Variants in BBS1 observed in about 807,000 individuals in gnomAD.
The protein encoded by BBS1 is BBSome complex member BBS1.
BBS1 carries 60 observed loss-of-function variants against 73.9 expected under a neutral mutation model. That is an observed-to-expected ratio of 0.81 (90% CI 0.66 to 1.01). The LOEUF (loss-of-function observed/expected upper bound fraction) is 1.01. Ranked by LOEUF, BBS1 falls within the 50% of genes least tolerant of loss-of-function variation. BBS1 has a pLI of 0.00. For synonymous variants in BBS1, 283 were observed against 317.4 expected, an observed-to-expected ratio of 0.89 and a Z score of 1.15; for missense variants, 718 against 770.3, an observed-to-expected ratio of 0.93 and a Z score of 0.80.
rs748727758 is a variant in BBS1, at chr11:66,514,499, C to T, written c.253C>T (p.Leu85=). 15 of 1,614,206 alleles carry T rather than the reference C, an allele frequency of 9.3e-6. No individual in the cohort carries two copies. Among genetic ancestry groups the T allele is most frequent in the Non-Finnish European group, 1.3e-5 (15 of 1,180,044 alleles). The change falls in exon 4 of 17, where the codon CTG becomes TTG. Residue 85 remains leucine (L), a synonymous_variant. Coordinates refer to ENST00000318312, the MANE Select transcript of BBS1 (RefSeq NM_024649.5). ...LVMTESPLPA[L]PAAAATFLME... ...GATGACCGAAAGCCCGCTACCTGCT[C>T]TGCCAGCTGCTGCTGCCACCTTCCT...
chr11:66,519,055 G>T (rs1856121868), intron 7 of BBS1, among the ~76,000 whole-genome samples: 1 of 152,190 alleles, frequency 6.6e-6, no homozygotes, highest in African/African-American at 2.4e-5. Flanking sequence ...GATCTGCTGA[G>T]CCTGGCCCAA....
rs1180861221 is a variant in BBS1, at chr11:66,521,275, C to G, written c.729C>G (p.Ser243Arg). The G allele has an allele frequency of 1.2e-6, 2 of 1,613,780 alleles. No individual in the cohort carries two copies. The highest frequency in any genetic ancestry group is 2.2e-5 in the East Asian group (1 of 44,900). Residue 243 changes from serine (S) to arginine (R), a missense_variant, in exon 9 of 17, where the codon AGC becomes AGG. Coordinates refer to ENST00000318312, the MANE Select transcript of BBS1 (RefSeq NM_024649.5). ...TTTGCGCTTCTTGTTTGCAGATGAGCCTTCCCAGCGTCCCCGTCTTCCTAG... is the reference window on the plus strand; with the variant it reads ...TTTGCGCTTCTTGTTTGCAGATGAGGCTTCCCAGCGTCCCCGTCTTCCTAG... ...PEAFTILAKM[S>R]LPSVPVFLEV...
rs148365327 is a variant in BBS1 at position 66,521,798 on chromosome 11, G to A, written c.830+422G>A. Among the ~76,000 whole-genome samples the A allele has an allele frequency of 2.7e-3, 412 of 151,826 alleles. 5 individuals are homozygous for A. The highest frequency in any genetic ancestry group is 9.2e-3 in the African/African-American group (379 of 41,406). On this transcript the variant is annotated intron_variant, in intron 9 of 16. Transcript: ENST00000318312. ...CGCATGCCTCTAGCCCCAGCTACTCGGGAGGCTAAGGTAGGAGAATCGCTT... is the reference window on the plus strand; with the variant it reads ...CGCATGCCTCTAGCCCCAGCTACTCAGGAGGCTAAGGTAGGAGAATCGCTT...
Position 66,514,644 on chromosome 11 carries a change from C to T in BBS1, c.398C>T (p.Pro133Leu), listed in dbSNP as rs199532377. 3.7e-5 allele frequency: 60 copies of T among 1,613,146 alleles called. No homozygotes were observed. Among genetic ancestry groups the T allele is most frequent in the Non-Finnish European group, 4.9e-5 (58 of 1,180,010 alleles). Residue 133 changes from proline (P) to leucine (L), a missense_variant, in exon 4 of 17, where the codon CCT becomes CTT. Physicochemically the swap from Pro to Leu is moderately conservative, Grantham distance 98 (BLOSUM62 -3). Coordinates refer to ENST00000318312, the MANE Select transcript of BBS1 (RefSeq NM_024649.5). The part of the protein sequence containing the change: ...KFSLPQLPPN[P>L]LEQDLWNQAK... ...AGCCTGCCCCAATTGCCTCCAAATC[C>T]TCTGGAACAAGACCTTTGGAACCAG...
intron 7 of BBS1, among the ~76,000 whole-genome samples, chr11:66,517,868 G>A (rs1010033284): frequency 6.6e-6 from 1 of 151,648 alleles, no homozygotes; most frequent in African/African-American, 2.4e-5. Flanking sequence ...GCCTCCCAAA[G>A]TGCTGGGATT....
intron 11 of BBS1, among the ~76,000 whole-genome samples, chr11:66,525,373 AAAC>A (rs1221440243): frequency 2.0e-5 from 3 of 151,460 alleles, no homozygotes; most frequent in Admixed American, 6.6e-5. Context: ...CAAAAAAACA[AAAC>A]AACAAAAATA....
Position 66,524,108 on chromosome 11 carries a change from C to T in BBS1, c.1110+226C>T. 5 of 589,818 alleles carry T rather than the reference C, an allele frequency of 8.5e-6. No individual in the cohort carries two copies. In the South Asian group the frequency reaches 9.2e-5, roughly 11 times the overall value. The allele number at this position is 589,818 out of a possible 1,614,324, so 36.5% of individuals were successfully genotyped here. ...CAGCCTAGCCAACATGGCATAACCC[C>T]CTTGCTACTAAAAATACAAAAATTA... On this transcript the variant is annotated intron_variant, in intron 11 of 16. Coordinates refer to ENST00000318312, the MANE Select transcript of BBS1 (RefSeq NM_024649.5).
rs1011737489 is a variant in BBS1 at position 66,532,105 on chromosome 11, G to A, written c.*68G>A. On this transcript the variant is annotated 3_prime_UTR_variant, in exon 17 of 17. Transcript: ENST00000318312. ...GAACTGGGCGGGTTTAGTGGCCCCA[G>A]GCCCACTCCTCATGCAGCAGTGTGC... The A allele has an allele frequency of 6.7e-7, 1 of 1,484,182 alleles. No individual in the cohort carries two copies. The highest frequency in any genetic ancestry group is 9.2e-7 in the Non-Finnish European group (1 of 1,091,780). The allele number at this position is 1,484,182 out of a possible 1,614,324, so 91.9% of individuals were successfully genotyped here. A position where few individuals can be genotyped will look rare whatever the true frequency, so the allele number is the denominator to read the frequency against.
Position 66,510,864 on chromosome 11 carries a change from G to C in BBS1, c.48-149G>C, listed in dbSNP as rs533671904. The C allele has an allele frequency of 1.0e-3, 1,385 of 1,364,178 alleles. 1 individual carries two copies. The highest frequency in any genetic ancestry group is 1.3e-3 in the South Asian group (109 of 85,790). 84.5% of individuals were successfully genotyped at this position (1,364,178 alleles called of 1,614,324 possible). A position where few individuals can be genotyped will look rare whatever the true frequency, so the allele number is the denominator to read the frequency against. On this transcript the variant is annotated intron_variant, in intron 1 of 16. Transcript: ENST00000318312. ...CCTAAGATGTGCATATGTGTGTCTGGAGGTCGCTCGGTGAGCCAGTGGCGG... is the reference window on the plus strand; with the variant it reads ...CCTAAGATGTGCATATGTGTGTCTGCAGGTCGCTCGGTGAGCCAGTGGCGG...
Position 66,514,388 on chromosome 11 carries a change from G to A in BBS1, c.160-18G>A, listed in dbSNP as rs1314746244. Reference sequence around the variant, plus strand: ...TCTTCAGACCCTGAGCCTAGAATGAGCCATCCTCTCCCTGCAGCTGGTGGT... The same window carrying A: ...TCTTCAGACCCTGAGCCTAGAATGAACCATCCTCTCCCTGCAGCTGGTGGT... On this transcript the variant is annotated intron_variant, in intron 3 of 16. Transcript: ENST00000318312. 7 of 1,613,842 alleles carry A rather than the reference G, an allele frequency of 4.3e-6. No individual in the cohort carries two copies. Among genetic ancestry groups the A allele is most frequent in the East Asian group, 2.2e-5 (1 of 44,880 alleles).
chr11:66,517,096 G>C (rs189803928), intron 7 of BBS1, among the ~76,000 whole-genome samples: 1 of 152,006 alleles, frequency 6.6e-6, no homozygotes, highest in East Asian at 1.9e-4. Flanking sequence ...CTACTCAGGA[G>C]GTTGAGGCAG....
rs753294240 is a variant in BBS1, at chr11:66,521,369, C to T, written c.823C>T (p.Leu275=). 1 of 1,613,924 alleles carries T rather than the reference C, an allele frequency of 6.2e-7. No individual in the cohort carries two copies. The highest frequency in any genetic ancestry group is 8.5e-7 in the Non-Finnish European group (1 of 1,179,820). The change falls in exon 9 of 17, where the codon CTG becomes TTG. Residue 275 remains leucine (L), a synonymous_variant. Transcript: ENST00000318312. ...AACRNGNIYI[L]RRDSKHPKYC... ...CTGCCGCAATGGAAACATCTATATTCTGAGAAGGTAGCCACATCCGTGGTC... is the reference window on the plus strand; with the variant it reads ...CTGCCGCAATGGAAACATCTATATTTTGAGAAGGTAGCCACATCCGTGGTC...
intron 13 of BBS1, chr11:66,529,473 G>A: frequency 4.0e-6 from 3 of 750,402 alleles, no homozygotes; most frequent in Non-Finnish European, 4.7e-6. Flanking sequence ...CAGAGCTGTG[G>A]CAGGACATGG....
intron 10 of BBS1, 54 bp from the exon 11 acceptor site, chr11:66,523,669 GT>G: frequency 6.2e-7 from 1 of 1,610,116 alleles, no homozygotes; most frequent in South Asian, 1.1e-5. Context: ...CCCAGAAACC[GT>G]TCTTTCCACT....
chr11:66,526,265 G>T, intron 12 of BBS1, 73 bp downstream of exon 12: 1 of 1,464,438 alleles, frequency 6.8e-7, no homozygotes, highest in South Asian at 1.1e-5. Flanking sequence ...GGGGAAAGAG[G>T]AGGAGGTGGA....
chr11:66,531,605 C>T, intron 15 of BBS1, 51 bp from the exon 16 acceptor site: 1 of 1,613,058 alleles, frequency 6.2e-7, no homozygotes, highest in Non-Finnish European at 8.5e-7. Flanking sequence ...TGGAATATGC[C>T]AAACACTGGC....
chr11:66,525,908 C>A (rs945283040), intron 11 of BBS1, among the ~76,000 whole-genome samples: 9 of 152,048 alleles, frequency 5.9e-5, no homozygotes, highest in African/African-American at 2.2e-4. Flanking sequence ...AGGAGGTTGA[C>A]CCCAAAAGTG....
At chr11:66,519,351 A>G (rs1856128866) in intron 7 of BBS1, among the ~76,000 whole-genome samples, 1 of 152,178 alleles carries the variant, frequency 6.6e-6, no homozygotes, top group Non-Finnish European at 1.5e-5. Context: ...TGCCTGGGCG[A>G]CAGAGCGAGA....
chr11:66,522,282 G>A (rs997100131), intron 9 of BBS1, among the ~76,000 whole-genome samples: 1 of 151,546 alleles, frequency 6.6e-6, no homozygotes, highest in African/African-American at 2.4e-5. Context: ...TTACTTTCTA[G>A]GGTACATGAC....
Sources: gnomAD v4.1 joint callset for allele counts (sites outside exome capture counted in the v4.1 genomes callset) on GRCh38, gnomAD v4.1.1 for gene constraint, MANE v1.5 for transcripts, NCBI Gene and HGNC (gene_info 2026-07-23, HGNC 2026-07-21) for gene names.